KDM4C: variants seen among roughly 807,000 people sequenced by gnomAD.
KDM4C encodes lysine-specific demethylase 4C.
Under a neutral mutation model 129.3 loss-of-function variants are expected in KDM4C, and 81 were observed. The ratio of observed to expected loss-of-function variants is 0.63; its 90% confidence interval spans 0.52 to 0.75. The LOEUF (loss-of-function observed/expected upper bound fraction) is 0.75, where lower values mean the gene tolerates loss of function less well. Ranked by LOEUF, KDM4C falls within the 30% of genes least tolerant of loss-of-function variation. KDM4C has a pLI of 0.00. For missense variants in KDM4C, 1,457 were observed against 1,304.0 expected (o/e 1.12, Z -1.81); for synonymous variants, 573 against 456.1 (o/e 1.26, Z -3.26).
At chr9:7,098,925 A>G (rs958427089) in intron 17 of KDM4C, among the ~76,000 whole-genome samples, 3 of 152,044 alleles carry the variant, frequency 2.0e-5, no homozygotes, top group Admixed American at 2.0e-4. Flanking sequence ...TCTATTACGA[A>G]CCCTGTATTT....
At chr9:6,832,416 T>G (rs548424941) in intron 4 of KDM4C, among the ~76,000 whole-genome samples, 10 of 150,772 alleles carry the variant, frequency 6.6e-5, no homozygotes, top group Admixed American at 5.9e-4. Context: ...GATTATTCTT[T>G]TTCTTTTTTT....
At chr9:6,924,693 T>C in intron 8 of KDM4C, 1 of 864,742 alleles carries the variant, frequency 1.2e-6, no homozygotes, top group Non-Finnish European at 1.4e-6. Context: ...GGGGTACCGA[T>C]GCATAATGTG....
intron 1 of KDM4C, among the ~76,000 whole-genome samples, chr9:6,735,392 G>A (rs1218122768): frequency 6.6e-6 from 1 of 152,206 alleles, no homozygotes; most frequent in Non-Finnish European, 1.5e-5. Context: ...TTGCTTGACA[G>A]CAGTGATATG....
At chr9:7,009,348 C>T (rs892131536) in intron 12 of KDM4C, among the ~76,000 whole-genome samples, 2 of 152,158 alleles carry the variant, frequency 1.3e-5, no homozygotes, top group African/African-American at 2.4e-5. Flanking sequence ...AAGTGGCGTT[C>T]CATGAAAATG....
chr9:7,154,528 G>C (rs190169553), intron 19 of KDM4C, among the ~76,000 whole-genome samples: 2 of 152,328 alleles, frequency 1.3e-5, no homozygotes, highest in Non-Finnish European at 2.9e-5. Context: ...CTTTAGAAGG[G>C]TCTCGTAAGA....
chr9:6,807,338 C>T (rs1261311299), intron 3 of KDM4C, among the ~76,000 whole-genome samples: 4 of 149,222 alleles, frequency 2.7e-5, no homozygotes, highest in Admixed American at 1.3e-4. Context: ...TCTGCCTGGC[C>T]GCCCATCGTC....
intron 4 of KDM4C, chr9:6,834,952 C>A: frequency 9.6e-7 from 1 of 1,047,110 alleles, no homozygotes; most frequent in Non-Finnish European, 1.5e-6. Flanking sequence ...TGCCCATCTG[C>A]GAGGGATATG....
upstream of KDM4C, chr9:6,757,889 C>A (rs1818527669): frequency 3.0e-6 from 3 of 985,504 alleles, no homozygotes; most frequent in Non-Finnish European, 2.4e-6. Flanking sequence ...GTGCCGGGCA[C>A]CTTTAAGCTG....
chr9:6,909,717 T>A (rs536923244), intron 8 of KDM4C, among the ~76,000 whole-genome samples: 2 of 152,214 alleles, frequency 1.3e-5, no homozygotes, highest in Non-Finnish European at 2.9e-5. Context: ...TTGAAGTCTT[T>A]AGTATTTTAG....
chr9:7,046,983 G>T, intron 16 of KDM4C, 66 bp downstream of exon 16: 1 of 1,164,464 alleles, frequency 8.6e-7, no homozygotes, highest in South Asian at 1.3e-5. Context: ...ACCTTTGGAT[G>T]ACAGTTCGCT....
intron 19 of KDM4C, among the ~76,000 whole-genome samples, chr9:7,161,124 G>C (rs1049535583): frequency 2.0e-5 from 3 of 152,316 alleles, no homozygotes; most frequent in Admixed American, 1.3e-4. Context: ...CATGGCCACG[G>C]GACCCACCGA....
At chr9:6,887,743 T>A (rs920336497) in intron 6 of KDM4C, among the ~76,000 whole-genome samples, 1 of 152,186 alleles carries the variant, frequency 6.6e-6, no homozygotes, top group African/African-American at 2.4e-5. Context: ...TTATGGTAAA[T>A]CTGTTTGTAA....
At chr9:6,846,148 A>T (rs1315538736) in intron 4 of KDM4C, among the ~76,000 whole-genome samples, 3 of 152,234 alleles carry the variant, frequency 2.0e-5, no homozygotes, top group Non-Finnish European at 2.9e-5. Flanking sequence ...GTTGACAATG[A>T]TGCTGAGAGA....
intron 7 of KDM4C, among the ~76,000 whole-genome samples, chr9:6,889,250 T>TGTGTGTGTGTGTGG (rs1554627898): frequency 1.1e-4 from 3 of 28,250 alleles, no homozygotes; most frequent in South Asian, 1.7e-3. Context: ...TGTGTGTGTG[T>TGTGTGTGTGTGTGG]GGGAGGGTGG....
intron 15 of KDM4C, among the ~76,000 whole-genome samples, chr9:7,027,321 G>T (rs138907363): frequency 1.4e-3 from 214 of 152,356 alleles, no homozygotes; most frequent in Non-Finnish European, 1.8e-3. Flanking sequence ...TAACACTGTG[G>T]TTCTTGCAGA....
rs145929163 is a variant in KDM4C, at chr9:7,128,975, G to GT, written c.2781+747dup. On this transcript the variant is annotated intron_variant, in intron 19 of 21. Coordinates refer to ENST00000381309, the MANE Select transcript of KDM4C (RefSeq NM_015061.6). Reference sequence around the variant, plus strand: ...ACAAGAAGAGCACTTTCCACAGAGGGTTTTTTTTGACACCGAAATCAAATC... The same window carrying GT: ...ACAAGAAGAGCACTTTCCACAGAGGGTTTTTTTTTGACACCGAAATCAAATC... Among the ~76,000 whole-genome samples the GT allele has an allele frequency of 2.0e-3, 306 of 151,924 alleles. 2 individuals carry two copies. Among genetic ancestry groups the GT allele is most frequent in the African/African-American group, 6.1e-3 (251 of 41,420 alleles).
rs138674471 is a variant in KDM4C, at chr9:6,946,122, G to C, written c.922-34803G>C. ...ATGGTATTGCTTGTGTAATCAAGGG[G>C]GTTAGTGGATCATATGGATTGGAGA... On this transcript the variant is annotated intron_variant, in intron 8 of 21. Transcript: ENST00000381309. 4.6e-3 allele frequency among the ~76,000 whole-genome samples: 694 copies of C among 152,104 alleles called. 5 individuals carry two copies. The highest frequency in any genetic ancestry group is 0.016 in the African/African-American group (654 of 41,506).
At chr9:6,882,801 T>TGC (rs1373905467) in intron 6 of KDM4C, among the ~76,000 whole-genome samples, 1 of 134,222 alleles carries the variant, frequency 7.5e-6, no homozygotes, top group Non-Finnish European at 1.6e-5. Context: ...TGTGTGTGTG[T>TGC]GTGTGCGCGT....
At chr9:6,747,951 G>C (rs1436284006) in intron 1 of KDM4C, among the ~76,000 whole-genome samples, 1 of 152,170 alleles carries the variant, frequency 6.6e-6, no homozygotes, top group Non-Finnish European at 1.5e-5. Flanking sequence ...GCCAAGGCCG[G>C]TGGCTCACTT....
Sources: allele counts gnomAD v4.1 joint callset (sites outside exome capture counted in the v4.1 genomes callset), GRCh38; gene constraint gnomAD v4.1.1; transcripts MANE v1.5; gene names NCBI Gene and HGNC (gene_info 2026-07-23, HGNC 2026-07-21).